The following ATP1A4 variants were observed in gnomAD, a reference collection of about 807,000 sequenced individuals.
ATP1A4 encodes the protein ATPase Na+/K+ transporting subunit alpha 4.
ATP1A4 carries 90 observed loss-of-function variants against 114.3 expected under a neutral mutation model. The observed-to-expected ratio is 0.79, with a 90% CI of 0.66 to 0.94. The LOEUF (loss-of-function observed/expected upper bound fraction) is 0.94, where lower values mean the gene tolerates loss of function less well. ATP1A4 is among the 40% of genes least tolerant of loss of function. ATP1A4 has a pLI of 0.00. For synonymous variants in ATP1A4, 511 were observed against 494.1 expected (o/e 1.03, Z -0.45); for missense variants, 1,222 against 1,313.6 (o/e 0.93, Z 1.08).
chr1:160,159,257 G>A, intron 5 of ATP1A4, 121 bp downstream of exon 5: 1 of 1,438,772 alleles, frequency 7.0e-7, no homozygotes. Flanking sequence ...TACAAGTGCA[G>A]ATTTGATGTT....
chr1:160,163,558 C>T (rs1462735103), intron 6 of ATP1A4, among the ~76,000 whole-genome samples: 1 of 152,146 alleles, frequency 6.6e-6, no homozygotes, highest in African/African-American at 2.4e-5. Flanking sequence ...ATGGAAGAGA[C>T]GCACAGGACA....
chr1:160,180,694 C>T (rs934007610), intron 18 of ATP1A4, among the ~76,000 whole-genome samples: 77 of 68,484 alleles, frequency 1.1e-3, no homozygotes, highest in Non-Finnish European at 1.7e-3. Flanking sequence ...GCCTTCTTCC[C>T]TTTTTTTTTT....
intron 4 of ATP1A4, among the ~76,000 whole-genome samples, chr1:160,157,219 G>T (rs1417138081): frequency 7.4e-6 from 1 of 134,430 alleles, no homozygotes; most frequent in Admixed American, 7.3e-5. Context: ...GGGGATACAT[G>T]TGCAGGTTTG....
intron 6 of ATP1A4, among the ~76,000 whole-genome samples, chr1:160,162,867 T>C (rs1046036068): frequency 1.1e-4 from 16 of 152,058 alleles, no homozygotes; most frequent in Non-Finnish European, 2.4e-4. Context: ...ATATAGGCAA[T>C]AGAAGATACT....
intron 6 of ATP1A4, among the ~76,000 whole-genome samples, chr1:160,160,873 T>A (rs1014328273): frequency 2.6e-5 from 4 of 152,160 alleles, no homozygotes; most frequent in Non-Finnish European, 1.5e-5. Context: ...TGTTTTAAAA[T>A]TGATTGGACA....
intron 6 of ATP1A4, among the ~76,000 whole-genome samples, chr1:160,163,911 G>C (rs1018878928): frequency 6.6e-6 from 1 of 151,790 alleles, no homozygotes; most frequent in Admixed American, 6.6e-5. Context: ...CTATCACCCA[G>C]GAAACTCCAA....
At chr1:160,162,058 C>T (rs1326413513) in intron 6 of ATP1A4, among the ~76,000 whole-genome samples, 1 of 152,158 alleles carries the variant, frequency 6.6e-6, no homozygotes, top group Non-Finnish European at 1.5e-5. Flanking sequence ...ATATTCAGTC[C>T]TCACAGTTTA....
chr1:160,174,550 G>C (rs1653389439), intron 14 of ATP1A4, 29 bp from the exon 15 acceptor site: 2 of 1,604,464 alleles, frequency 1.2e-6, no homozygotes, highest in Non-Finnish European at 1.7e-6. Flanking sequence ...GCAATAAATT[G>C]TTCACTCTCT....
At position 160,153,242 on chromosome 1, in the gene ATP1A4, T is replaced by TGAG. The variant is rs1251468145; in HGVS notation, c.207+23_207+25dup. ...TGACAAAGGTGAGTAAGAAGCTCCC[T>TGAG]GAGGAGGCAGAGAGTCTCCAACTCT... On this transcript the variant is annotated intron_variant, in intron 2 of 21. Coordinates refer to ENST00000368081, the MANE Select transcript of ATP1A4 (RefSeq NM_144699.4). The TGAG allele has an allele frequency of 5.0e-6, 8 of 1,610,472 alleles. No individual in the cohort carries two copies. Among genetic ancestry groups the TGAG allele is most frequent in the Non-Finnish European group, 6.8e-6 (8 of 1,177,062 alleles).
intron 15 of ATP1A4, among the ~76,000 whole-genome samples, chr1:160,175,489 G>A (rs1206486473): frequency 6.6e-6 from 1 of 152,008 alleles, no homozygotes; most frequent in Non-Finnish European, 1.5e-5. Flanking sequence ...GGAGAACAAA[G>A]ACACAAATCC....
chr1:160,181,599 G>A (rs1280632209), intron 18 of ATP1A4, 85 bp from the exon 19 acceptor site: 3 of 1,485,836 alleles, frequency 2.0e-6, no homozygotes, highest in African/African-American at 1.4e-5. Flanking sequence ...CAGCCCAGGG[G>A]TCCTGGAAGG....
intron 10 of ATP1A4, 33 bp from the exon 11 acceptor site, chr1:160,171,218 C>T (rs1571025054): frequency 6.3e-7 from 1 of 1,586,472 alleles, no homozygotes; most frequent in East Asian, 2.3e-5. Flanking sequence ...GTCTCTCCTC[C>T]TGTCCCATCA....
At chr1:160,166,835 G>C in intron 8 of ATP1A4, 109 bp downstream of exon 8, 1 of 1,524,378 alleles carries the variant, frequency 6.6e-7, no homozygotes, top group South Asian at 1.2e-5. Context: ...TGAAAGTGGA[G>C]TGGAGAAGAG....
intron 4 of ATP1A4, among the ~76,000 whole-genome samples, chr1:160,158,255 A>C (rs7538294): frequency 0.22 from 33,941 of 152,116 alleles, 3,999 homozygotes; most frequent in East Asian, 0.43. Flanking sequence ...AGCTGAGATG[A>C]CTGGGACAGC....
At chr1:160,156,865 C>T (rs895038857) in intron 4 of ATP1A4, among the ~76,000 whole-genome samples, 1 of 152,270 alleles carries the variant, frequency 6.6e-6, no homozygotes, top group East Asian at 1.9e-4. Flanking sequence ...GTAATCCCAA[C>T]CGTTTGGGGG....
chr1:160,155,156 G>A lies in ATP1A4; in HGVS notation c.319G>A (p.Gly107Ser), dbSNP rs1315291316. 6.2e-7 allele frequency: 1 copy of A among 1,613,264 alleles called. No individual in the cohort carries two copies. The highest frequency in any genetic ancestry group is 8.5e-7 in the Non-Finnish European group (1 of 1,179,848). ...CAAATTCTGTAAGCAACTGTTCGGA[G>A]GCTTCTCCCTCCTACTATGGACTGG... Reference protein sequence around the residue: ...WVKFCKQLFGGFSLLLWTGAI... With the variant: ...WVKFCKQLFGSFSLLLWTGAI... Residue 107 changes from glycine (G) to serine (S), a missense_variant, in exon 3 of 22, where the codon GGC (glycine) becomes AGC (serine). Gly to Ser is a moderately conservative substitution (Grantham distance 56, BLOSUM62 0). Coordinates refer to ENST00000368081, the MANE Select transcript of ATP1A4 (RefSeq NM_144699.4).
rs769689108 is a variant in ATP1A4, at chr1:160,171,390, C to T, written c.1631C>T (p.Ala544Val). 3.7e-6 allele frequency: 6 copies of T among 1,614,144 alleles called. No individual in the cohort carries two copies. The highest frequency in any genetic ancestry group is 3.3e-5 in the Admixed American group (2 of 60,020). Reference protein sequence around the residue: ...EYSMNDEMKEAFQNAYLELGG... With the variant: ...EYSMNDEMKEVFQNAYLELGG... ...TCAATGAACGATGAAATGAAGGAAG[C>T]CTTCCAAAATGCCTACTTAGAACTG... Residue 544 changes from alanine to valine, a missense_variant, in exon 11 of 22, where the codon GCC becomes GTC. Ala to Val is a moderately conservative substitution (Grantham distance 64). Transcript: ENST00000368081.
rs1334819170 is a variant in ATP1A4 at position 160,171,626 on chromosome 1, T to C, written c.1723T>C (p.Phe575Leu). The C allele has an allele frequency of 6.2e-7, 1 of 1,614,174 alleles. No homozygotes were observed. The highest frequency in any genetic ancestry group is 8.5e-7 in the Non-Finnish European group (1 of 1,180,026). The change falls in exon 12 of 22, where the codon TTC (phenylalanine) becomes CTC (leucine). Residue 575 changes from phenylalanine (F) to leucine (L), a missense_variant. Physicochemically the swap from Phe to Leu is conservative, Grantham distance 22. Coordinates refer to ENST00000368081, the MANE Select transcript of ATP1A4 (RefSeq NM_144699.4). The part of the protein sequence containing the change: ...LNLPSSFSKG[F>L]PFNTDEINFP... ...TCTGCCTAGCAGCTTCTCCAAGGGATTCCCATTTAATACAGATGAAATAAA... is the reference window on the plus strand; with the variant it reads ...TCTGCCTAGCAGCTTCTCCAAGGGACTCCCATTTAATACAGATGAAATAAA...
In ATP1A4 at chr1:160,171,312, C is replaced by T. The variant is rs751074976; in HGVS notation, c.1553C>T (p.Pro518Leu). Reference protein sequence around the residue: ...QTHVLMMKGAPERILEFCSTF... With the variant: ...QTHVLMMKGALERILEFCSTF... ...CACGTACTGATGATGAAGGGTGCTC[C>T]GGAGAGGATCTTGGAGTTTTGTTCT... The change falls in exon 11 of 22, where the codon CCG becomes CTG. Residue 518 changes from proline to leucine, a missense_variant. Transcript: ENST00000368081. The T allele has an allele frequency of 2.5e-5, 40 of 1,613,910 alleles. No individual in the cohort carries two copies. The Admixed American group carries it at 4.0e-4, about 16-fold the overall frequency.
Sources: allele counts gnomAD v4.1 joint callset (sites outside exome capture counted in the v4.1 genomes callset), GRCh38; gene constraint gnomAD v4.1.1; transcripts MANE v1.5; gene names NCBI Gene and HGNC (gene_info 2026-07-23, HGNC 2026-07-21).